The following NPEPL1 variants were observed in gnomAD, a reference collection of about 807,000 sequenced individuals.
The protein encoded by NPEPL1 is probable aminopeptidase NPEPL1.
Under a neutral mutation model 52.4 loss-of-function variants are expected in NPEPL1, and 45 were observed. The observed-to-expected ratio is 0.86, with a 90% CI of 0.68 to 1.10. NPEPL1 has a LOEUF of 1.10. NPEPL1 is among the 50% of genes least tolerant of loss of function. The pLI, the probability that NPEPL1 is intolerant of heterozygous loss-of-function variation, is 0.00. For synonymous variants in NPEPL1, 360 were observed against 314.7 expected, an observed-to-expected ratio of 1.14 and a Z score of -1.52; for missense variants, 696 against 710.9, an observed-to-expected ratio of 0.98 and a Z score of 0.24.
At chr20:58,704,074 T>G in intron 6 of NPEPL1, 3 of 985,374 alleles carry the variant, frequency 3.0e-6, no homozygotes, top group Non-Finnish European at 3.6e-6. Context: ...GCTGTTACTG[T>G]GTGGAGTGGG....
chr20:58,709,706 C>T (rs944595825), intron 7 of NPEPL1, among the ~76,000 whole-genome samples: 8 of 152,250 alleles, frequency 5.3e-5, no homozygotes, highest in African/African-American at 1.7e-4. Context: ...AAGGACAGAG[C>T]ATTTCTGCAG....
At chr20:58,702,065 G>A (rs1357389339) in intron 6 of NPEPL1, among the ~76,000 whole-genome samples, 1 of 152,250 alleles carries the variant, frequency 6.6e-6, no homozygotes, top group African/African-American at 2.4e-5. Context: ...TACCTCAGGA[G>A]GTCTGGAAGG....
upstream of NPEPL1, chr20:58,691,387 T>G: frequency 1.8e-6 from 1 of 550,194 alleles, no homozygotes; most frequent in Non-Finnish European, 3.2e-6. Flanking sequence ...TTTTTTTTTT[T>G]TTTTTTTTTT....
intron 6 of NPEPL1, among the ~76,000 whole-genome samples, chr20:58,705,830 G>C (rs2084725251): frequency 6.6e-6 from 1 of 152,172 alleles, no homozygotes; most frequent in Non-Finnish European, 1.5e-5. Context: ...TTTGATTCCA[G>C]ATCGGAGGCC....
chr20:58,713,917 G>A lies in NPEPL1; in HGVS notation c.1126G>A (p.Gly376Ser), dbSNP rs2084905201. The change falls in exon 10 of 12, where the codon GGC (glycine) becomes AGC (serine). Residue 376 changes from glycine (G) to serine (S), a missense_variant and splice_region_variant. Physicochemically the swap from Gly to Ser is moderately conservative, Grantham distance 56. Transcript: ENST00000356091. The surrounding 1 kb of genome is among the most constrained non-coding windows in gnomAD (Gnocchi z 4.6). The part of the protein sequence containing the change: ...LDMATLTGAQ[G>S]IATGKYHAAV... ...GCTTCCCGGGTTCCTGCCCGCCCAG[G>A]GCATTGCCACAGGGAAGTACCACGC... is the stretch of plus-strand genomic sequence containing the variant. 3 of 1,471,186 alleles carry A rather than the reference G, an allele frequency of 2.0e-6. No individual in the cohort carries two copies. The highest frequency in any genetic ancestry group is 2.9e-5 in the African/African-American group (2 of 69,094). The allele number at this position is 1,471,186 out of a possible 1,614,324, so 91.1% of individuals were successfully genotyped here. A position where few individuals can be genotyped will look rare whatever the true frequency, so the allele number is the denominator to read the frequency against.
chr20:58,703,522 T>C (rs2084677230), intron 6 of NPEPL1: 1 of 985,206 alleles, frequency 1.0e-6, no homozygotes, highest in Admixed American at 6.2e-5. Context: ...TTCTGGCTGG[T>C]AGAGTCGTGG....
intron 10 of NPEPL1, 51 bp from the exon 11 acceptor site, chr20:58,714,495 GGGGCAGGGTGGAGA>G (rs1235076870): frequency 8.5e-7 from 1 of 1,179,508 alleles, no homozygotes; most frequent in Non-Finnish European, 1.2e-6. Context: ...GACAGGCGAT[GGGGCAGGGTGGAGA>G]GGGCCCGGCC....
At chr20:58,692,629 G>C (rs1445438002), upstream of NPEPL1, 31 of 191,350 alleles carry the variant, frequency 1.6e-4, no homozygotes, top group Admixed American at 8.6e-4. The surrounding 1 kb of genome is among the most constrained non-coding windows in gnomAD (Gnocchi z 5.7). Flanking sequence ...CCGGGCGCGC[G>C]GGCCCTACTC....
chr20:58,694,067 A>G, intron 2 of NPEPL1, 145 bp downstream of exon 2: 1 of 854,534 alleles, frequency 1.2e-6, no homozygotes, highest in South Asian at 1.9e-5. Context: ...AGACAGGGAA[A>G]CAGGTCCAGA....
At position 58,713,261 on chromosome 20, in the gene NPEPL1, G is replaced by A; in HGVS notation, c.1002-159G>A. On this transcript the variant is annotated intron_variant, in intron 8 of 11. Coordinates refer to ENST00000356091, the MANE Select transcript of NPEPL1 (RefSeq NM_024663.4). This position sits in a 1 kb window ranked among gnomAD's most constrained non-coding sequence, Gnocchi z 4.6. ...GCTCCAGGCACTGCATTGCTGTAGGGACTGGGGGCATCCCGGCCTTCCCAT... is the reference window on the plus strand; with the variant it reads ...GCTCCAGGCACTGCATTGCTGTAGGAACTGGGGGCATCCCGGCCTTCCCAT... 1 of 884,372 alleles carries A rather than the reference G, an allele frequency of 1.1e-6. No homozygotes were observed. Among genetic ancestry groups the A allele is most frequent in the South Asian group, 1.8e-5 (1 of 56,424 alleles). 54.8% of individuals were successfully genotyped at this position (884,372 alleles called of 1,614,324 possible). A position where few individuals can be genotyped will look rare whatever the true frequency, so the allele number is the denominator to read the frequency against.
chr20:58,694,396 T>TC, intron 2 of NPEPL1, 26 bp from the exon 3 acceptor site: 1 of 1,583,402 alleles, frequency 6.3e-7, no homozygotes, highest in Non-Finnish European at 8.6e-7. Context: ...CTTGCACCCC[T>TC]CACGCCGTCT....
At position 58,692,980 on chromosome 20, in the gene NPEPL1, A is replaced by G; in HGVS notation, c.80A>G (p.Gln27Arg). ...PQSRPLLLLG[Q>R]LHHLHRVPWS... Reference sequence around the variant, plus strand: ...AGCCGGCCCCTGCTGCTGCTCGGGCAGCTGCACCACCTGCACCGCGTGCCC... The same window carrying G: ...AGCCGGCCCCTGCTGCTGCTCGGGCGGCTGCACCACCTGCACCGCGTGCCC... The change falls in exon 1 of 12, where the codon CAG (glutamine) becomes CGG (arginine). Residue 27 changes from glutamine to arginine, a missense_variant. Transcript: ENST00000356091. This position sits in a 1 kb window ranked among gnomAD's most constrained non-coding sequence, Gnocchi z 5.7. 1.7e-6 allele frequency: 2 copies of G among 1,192,344 alleles called. No homozygotes were observed. Among genetic ancestry groups the G allele is most frequent in the South Asian group, 2.0e-5 (1 of 50,742 alleles). 73.9% of individuals were successfully genotyped at this position (1,192,344 alleles called of 1,614,324 possible).
At chr20:58,691,343 T>C, upstream of NPEPL1, 3 of 488,452 alleles carry the variant, frequency 6.1e-6, no homozygotes, top group Non-Finnish European at 1.1e-5. Flanking sequence ...TTCAAAGGAA[T>C]GCCTTTCAGT....
Position 58,715,215 on chromosome 20 carries a change from CG to C in NPEPL1, c.1463del (p.Gly488AlafsTer9). On this transcript the variant is annotated frameshift_variant, in exon 12 of 12. Coordinates refer to ENST00000356091, the MANE Select transcript of NPEPL1 (RefSeq NM_024663.4). LOFTEE classifies it high-confidence loss of function. ...GTGTGGCCCTCCTGCTGGCGCTCTT[CG>C]GCCGTGCCTCTGAGGACCCTCTGCT... ...FGVALLLALF[G>X]RASEDPLLNL... 6.2e-7 allele frequency: 1 copy of C among 1,607,998 alleles called. No homozygotes were observed. Among genetic ancestry groups the C allele is most frequent in the East Asian group, 2.2e-5 (1 of 44,754 alleles).
At chr20:58,696,757 T>C (rs1249770073) in intron 3 of NPEPL1, among the ~76,000 whole-genome samples, 3 of 152,242 alleles carry the variant, frequency 2.0e-5, no homozygotes, top group African/African-American at 4.8e-5. Flanking sequence ...CTGTCAGCTG[T>C]CAGGCCCTGC....
At chr20:58,714,956 C>T in intron 11 of NPEPL1, 1 of 635,406 alleles carries the variant, frequency 1.6e-6, no homozygotes, top group Non-Finnish European at 2.7e-6. Flanking sequence ...GCACACAGGG[C>T]CTTGCCCCCT....
intron 3 of NPEPL1, among the ~76,000 whole-genome samples, chr20:58,695,296 A>G: frequency 2.6e-3 from 16 of 6,070 alleles, no homozygotes; most frequent in African/African-American, 3.9e-3. Context: ...CTGTGTGTGT[A>G]TGAGTGCTAG....
intron 3 of NPEPL1, among the ~76,000 whole-genome samples, chr20:58,697,683 C>T (rs138580631): frequency 4.5e-4 from 69 of 152,366 alleles, no homozygotes; most frequent in Middle Eastern, 3.4e-3. Context: ...GCCGTGCAAG[C>T]AGCCAGCTGT....
At chr20:58,707,927 T>A (rs1020465945) in intron 7 of NPEPL1, among the ~76,000 whole-genome samples, 6 of 152,086 alleles carry the variant, frequency 3.9e-5, no homozygotes, top group African/African-American at 9.7e-5. Context: ...AAAAAAAATT[T>A]AAAAACTAGC....
Sources: gnomAD v4.1 joint callset for allele counts (sites outside exome capture counted in the v4.1 genomes callset) on GRCh38, gnomAD v4.1.1 for gene constraint, Gnocchi (gnomAD v3.1) non-coding constraint, MANE v1.5 for transcripts, NCBI Gene and HGNC (gene_info 2026-07-23, HGNC 2026-07-21) for gene names.